Variants in CEP152 observed in about 807,000 individuals in gnomAD.
The protein encoded by CEP152 is centrosomal protein of 152 kDa.
CEP152 carries 132 observed loss-of-function variants against 188.9 expected under a neutral mutation model. The ratio of observed to expected loss-of-function variants is 0.70; its 90% CI spans 0.61 to 0.81. The LOEUF (loss-of-function observed/expected upper bound fraction) is 0.81. CEP152 is among the 30% of genes least tolerant of loss of function. CEP152 has a pLI of 0.00. For missense variants in CEP152, 1,914 were observed against 1,969.8 expected, an observed-to-expected ratio of 0.97 and a Z score of 0.54; for synonymous variants, 649 against 666.6, an observed-to-expected ratio of 0.97 and a Z score of 0.41.
At chr15:48,767,501 C>T in intron 15 of CEP152, 38 bp from the exon 16 acceptor site, 1 of 1,613,702 alleles carries the variant, frequency 6.2e-7, no homozygotes, top group Non-Finnish European at 8.5e-7. Flanking sequence ...TGCCCAGTCT[C>T]ACTACGAACA....
At chr15:48,760,021 C>G in intron 19 of CEP152, 114 bp downstream of exon 19, 2 of 1,350,118 alleles carry the variant, frequency 1.5e-6, no homozygotes, top group Non-Finnish European at 1.1e-6. Flanking sequence ...TAACATGTAT[C>G]AACATGTTTA....
At chr15:48,781,719 G>C (rs17380963) in intron 11 of CEP152, among the ~76,000 whole-genome samples, 11,806 of 152,218 alleles carry the variant, frequency 0.078, 547 homozygotes, top group Middle Eastern at 0.19. Context: ...TTGTACTTTA[G>C]CCTGCCGGTG....
chr15:48,800,455 A>G (rs886315909), intron 2 of CEP152, among the ~76,000 whole-genome samples: 15 of 152,140 alleles, frequency 9.9e-5, no homozygotes, highest in Non-Finnish European at 1.5e-5. Context: ...CCCTCCTCAT[A>G]TACATTGTCA....
At position 48,756,264 on chromosome 15, in the gene CEP152, G is replaced by C; in HGVS notation, c.2984C>G (p.Ala995Gly). ...DHRNKINEVLAAAKEDFMKQK... is the reference protein window; with the variant it reads ...DHRNKINEVLGAAKEDFMKQK... Reference sequence around the variant, plus strand: ...TTTCATAAAGTCTTCTTTAGCTGCCGCAAGCACCTCATTAATTTTATTTCG... The same window carrying C: ...TTTCATAAAGTCTTCTTTAGCTGCCCCAAGCACCTCATTAATTTTATTTCG... The change falls in exon 20 of 27, where the codon GCG becomes GGG. Residue 995 changes from alanine to glycine, a missense_variant. Physicochemically the swap from Ala to Gly is moderately conservative, Grantham distance 60 (BLOSUM62 0). Transcript: ENST00000380950. 1 of 1,591,532 alleles carries C rather than the reference G, an allele frequency of 6.3e-7. No individual in the cohort carries two copies. Among genetic ancestry groups the C allele is most frequent in the Non-Finnish European group, 8.5e-7 (1 of 1,169,634 alleles).
chr15:48,752,143 A>C (rs1348318304), intron 21 of CEP152, among the ~76,000 whole-genome samples: 1 of 152,194 alleles, frequency 6.6e-6, no homozygotes, highest in Non-Finnish European at 1.5e-5. Context: ...ATCAGTTGTG[A>C]ATGAAGGGAA....
At chr15:48,781,988 G>A in intron 11 of CEP152, 151 bp downstream of exon 11, 1 of 707,334 alleles carries the variant, frequency 1.4e-6, no homozygotes, top group Non-Finnish European at 2.5e-6. Flanking sequence ...CTTGCCAACT[G>A]TGTGAAGGAG....
At chr15:48,752,222 G>C (rs911682057) in intron 21 of CEP152, 127 bp downstream of exon 21, 1 of 1,488,678 alleles carries the variant, frequency 6.7e-7, no homozygotes, top group Admixed American at 1.7e-5. Flanking sequence ...TCTAGGAAGA[G>C]GGGACATTAA....
At chr15:48,760,042 A>C in intron 19 of CEP152, 93 bp downstream of exon 19, 5 of 1,535,388 alleles carry the variant, frequency 3.3e-6, no homozygotes, top group East Asian at 4.5e-5. Flanking sequence ...TCCTTCAACA[A>C]TTCTATGAGT....
chr15:48,780,100 A>G (rs997677792), intron 12 of CEP152, among the ~76,000 whole-genome samples: 4 of 152,212 alleles, frequency 2.6e-5, no homozygotes, highest in African/African-American at 9.6e-5. Context: ...AAATGAGACA[A>G]TTCATGGAGT....
At chr15:48,808,298 T>C (rs1268100037) in intron 1 of CEP152, among the ~76,000 whole-genome samples, 1 of 147,824 alleles carries the variant, frequency 6.8e-6, no homozygotes, top group Non-Finnish European at 1.5e-5. Flanking sequence ...CCAAAAGCCA[T>C]AAAGAAAAAT....
At chr15:48,751,546 G>A (rs1316434233) in intron 21 of CEP152, among the ~76,000 whole-genome samples, 1 of 152,174 alleles carries the variant, frequency 6.6e-6, no homozygotes, top group African/African-American at 2.4e-5. Flanking sequence ...AGAAATGTGT[G>A]CAAACTGAGG....
intron 17 of CEP152, chr15:48,765,741 C>G: frequency 1.1e-5 from 4 of 354,614 alleles, no homozygotes; most frequent in South Asian, 8.8e-5. Flanking sequence ...GCAAGCTCCG[C>G]CTCCCGGGTT....
Position 48,756,264 on chromosome 15 carries a change from G to T in CEP152, c.2984C>A (p.Ala995Glu), listed in dbSNP as rs146955708. ...DHRNKINEVL[A>E]AAKEDFMKQK... ...TTTCATAAAGTCTTCTTTAGCTGCC[G>T]CAAGCACCTCATTAATTTTATTTCG... The change falls in exon 20 of 27, where the codon GCG (alanine) becomes GAG (glutamate). Residue 995 changes from alanine (A) to glutamate (E), a missense_variant. Coordinates refer to ENST00000380950, the MANE Select transcript of CEP152 (RefSeq NM_001194998.2). 1.3e-6 allele frequency: 2 copies of T among 1,591,414 alleles called. No individual in the cohort carries two copies. Among genetic ancestry groups the T allele is most frequent in the Admixed American group, 3.6e-5 (2 of 56,284 alleles).
chr15:48,786,400 A>G (rs1220968174), intron 9 of CEP152, among the ~76,000 whole-genome samples: 9 of 151,878 alleles, frequency 5.9e-5, no homozygotes, highest in Non-Finnish European at 1.2e-4. Flanking sequence ...AAAAAGAACT[A>G]TTATAATATG....
At chr15:48,775,644 A>G (rs1310197814) in intron 12 of CEP152, among the ~76,000 whole-genome samples, 2 of 152,190 alleles carry the variant, frequency 1.3e-5, no homozygotes, top group Non-Finnish European at 2.9e-5. Flanking sequence ...ACAGAAGATC[A>G]TATTATACGA....
chr15:48,730,830 T>A (rs544779860), intron 2 of CEP152, among the ~76,000 whole-genome samples: 24 of 152,080 alleles, frequency 1.6e-4, no homozygotes, highest in Non-Finnish European at 2.8e-4. Flanking sequence ...AAGCAAATAA[T>A]GAAACAACAC....
chr15:48,755,872 T>C (rs768502483), intron 20 of CEP152, 31 bp downstream of exon 20: 2 of 1,612,264 alleles, frequency 1.2e-6, no homozygotes, highest in East Asian at 4.5e-5. Flanking sequence ...TTCTTGGTGT[T>C]CAATACCTTC....
intron 21 of CEP152, among the ~76,000 whole-genome samples, chr15:48,751,653 G>A (rs922814476): frequency 1.3e-5 from 2 of 152,200 alleles, no homozygotes; most frequent in African/African-American, 2.4e-5. Context: ...AGGCTGTTGC[G>A]TTTGTGTGGG....
At chr15:48,729,716 A>T (rs566741386) in intron 2 of CEP152, 1 of 152,264 alleles carries the variant, frequency 6.6e-6, no homozygotes, top group South Asian at 2.1e-4. Context: ...TGGTTAAGGA[A>T]AAATGTTTTT....
Sources: gnomAD v4.1 joint callset for allele counts (sites outside exome capture counted in the v4.1 genomes callset) on GRCh38, gnomAD v4.1.1 for gene constraint, MANE v1.5 for transcripts, NCBI Gene and HGNC (gene_info 2026-07-23, HGNC 2026-07-21) for gene names.